Variants in FGF10 observed in about 807,000 individuals in gnomAD.
FGF10 encodes fibroblast growth factor 10, also known as FGF-10.
A neutral mutation model predicts 19.8 loss-of-function variants in FGF10; 2 were observed. The observed-to-expected ratio is 0.10, with a 90% CI of 0.04 to 0.32. The LOEUF is 0.32. FGF10 is among the 10% of genes least tolerant of loss of function. The probability of loss-of-function intolerance (pLI) is 1.00; values close to 1 mark genes in which losing one functional copy is unlikely to be tolerated. For synonymous variants in FGF10, 112 were observed against 94.0 expected (o/e 1.19, Z -1.10); for missense variants, 191 against 246.3 (o/e 0.78, Z 1.50).
intron 1 of FGF10, among the ~76,000 whole-genome samples, chr5:44,336,849 G>A (rs753220215): frequency 2.0e-5 from 3 of 152,126 alleles, no homozygotes; most frequent in East Asian, 1.9e-4. Context: ...TCTTAGTTAC[G>A]TTCCATCTAA....
chr5:44,317,980 T>C (rs1245135938), intron 1 of FGF10, among the ~76,000 whole-genome samples: 2 of 152,162 alleles, frequency 1.3e-5, no homozygotes, highest in East Asian at 3.9e-4. Context: ...GAAATGATTC[T>C]ATCGCTAGTT....
chr5:44,381,464 A>C (rs541361442), intron 1 of FGF10, among the ~76,000 whole-genome samples: 18 of 151,742 alleles, frequency 1.2e-4, no homozygotes, highest in South Asian at 8.3e-4. Context: ...AACCAGATAA[A>C]AGTAATAAAA....
chr5:44,306,872 A>C (rs1368619392), intron 2 of FGF10, among the ~76,000 whole-genome samples: 1 of 152,208 alleles, frequency 6.6e-6, no homozygotes, highest in African/African-American at 2.4e-5. Context: ...TAAAACAAAA[A>C]TAATTCTGTA....
chr5:44,346,240 T>C (rs1224871144), intron 1 of FGF10, among the ~76,000 whole-genome samples: 1 of 151,832 alleles, frequency 6.6e-6, no homozygotes, highest in African/African-American at 2.4e-5. Context: ...CTTGACTCTT[T>C]CACTTCTCTA....
Position 44,388,476 on chromosome 5 carries a change from G to C in FGF10, c.207C>G (p.Ser69Arg). Reference protein sequence around the residue: ...SPSSAGRHVRSYNHLQGDVRW... With the variant: ...SPSSAGRHVRRYNHLQGDVRW... ...GGACATCTCCTTGAAGGTGATTGTA[G>C]CTCCGCACATGCCTTCCCGCGCTGG... Residue 69 changes from serine to arginine, a missense_variant, in exon 1 of 3, where the codon AGC becomes AGG. Physicochemically the swap from Ser to Arg is moderately radical, Grantham distance 110. Transcript: ENST00000264664. The C allele has an allele frequency of 6.2e-7, 1 of 1,614,148 alleles. No homozygotes were observed. The highest frequency in any genetic ancestry group is 8.5e-7 in the Non-Finnish European group (1 of 1,180,030).
intron 2 of FGF10, among the ~76,000 whole-genome samples, chr5:44,305,826 T>C (rs1034418496): frequency 2.6e-5 from 4 of 152,194 alleles, no homozygotes; most frequent in African/African-American, 9.6e-5. Flanking sequence ...TCGTGAACTC[T>C]AGGGATTGAA....
At chr5:44,355,568 C>T (rs189651697) in intron 1 of FGF10, among the ~76,000 whole-genome samples, 9 of 151,214 alleles carry the variant, frequency 6.0e-5, no homozygotes, top group East Asian at 2.0e-4. Flanking sequence ...AACTAACAAA[C>T]GTTTCAGACT....
chr5:44,324,742 A>G (rs1005756912), intron 1 of FGF10, among the ~76,000 whole-genome samples: 3 of 152,198 alleles, frequency 2.0e-5, no homozygotes, highest in Non-Finnish European at 2.9e-5. Context: ...AGACTGGACA[A>G]ATTTGAAAAC....
chr5:44,305,990 T>C (rs562296901), intron 2 of FGF10, among the ~76,000 whole-genome samples: 4 of 152,294 alleles, frequency 2.6e-5, no homozygotes, highest in Admixed American at 2.6e-4. Flanking sequence ...AGGAGGCCAA[T>C]TGGATTTAAG....
Position 44,301,290 on chromosome 5 carries a change from G to A in FGF10, c.*3705C>T, listed in dbSNP as rs2111652661. Among the ~76,000 whole-genome samples, 1 of 152,024 alleles carries A rather than the reference G, an allele frequency of 6.6e-6. No individual in the cohort carries two copies. The highest frequency in any genetic ancestry group is 1.5e-5 in the Non-Finnish European group (1 of 67,982). ...TATAACTTTATTTAGACAAAGTTTGGACCAGCTGAACCCTTCAGTAATATG... is the reference window on the plus strand; with the variant it reads ...TATAACTTTATTTAGACAAAGTTTGAACCAGCTGAACCCTTCAGTAATATG... On this transcript the variant is annotated 3_prime_UTR_variant, in exon 3 of 3. Coordinates refer to ENST00000264664, the MANE Select transcript of FGF10 (RefSeq NM_004465.2).
In FGF10 at chr5:44,389,047, C is replaced by T. The variant is rs1579952583; in HGVS notation, c.-365G>A. 3 of 358,552 alleles carry T rather than the reference C, an allele frequency of 8.4e-6. No homozygotes were observed. Among genetic ancestry groups the T allele is most frequent in the Non-Finnish European group, 1.6e-5 (3 of 186,520 alleles). 22.2% of individuals were successfully genotyped at this position (358,552 alleles called of 1,614,324 possible). ...ACTCCTTTCTTCACCATGTTAGATG[C>T]CAAAAAGGTCTGAAAAACAGATGAC... On this transcript the variant is annotated 5_prime_UTR_variant, in exon 1 of 3. Transcript: ENST00000264664.
rs185023394 is a variant in FGF10 at position 44,328,720 on chromosome 5, T to A, written c.326-18190A>T. On this transcript the variant is annotated intron_variant, in intron 1 of 2. Coordinates refer to ENST00000264664, the MANE Select transcript of FGF10 (RefSeq NM_004465.2). ...GAGGCTGCAGTGAGCTGTGATTGCA[T>A]TACTGCACTCCATCTGAGTGTCTTT... Among the ~76,000 whole-genome samples the A allele has an allele frequency of 1.8e-3, 280 of 152,244 alleles. 2 individuals are homozygous for A. Among genetic ancestry groups the A allele is most frequent in the African/African-American group, 6.7e-3 (278 of 41,554 alleles).
chr5:44,381,004 A>C lies in FGF10; in HGVS notation c.325+7354T>G, dbSNP rs141086075. Among the ~76,000 whole-genome samples, 716 of 152,320 alleles carry C rather than the reference A, an allele frequency of 4.7e-3. 3 individuals are homozygous for C. Among genetic ancestry groups the C allele is most frequent in the Middle Eastern group, 0.034 (10 of 294 alleles). ...TCATGGTAGCCCAGACAAAGGCAAAAATGTGAGAAAAATGGCAAAGTAGCT... is the reference window on the plus strand; with the variant it reads ...TCATGGTAGCCCAGACAAAGGCAAACATGTGAGAAAAATGGCAAAGTAGCT... On this transcript the variant is annotated intron_variant, in intron 1 of 2. Coordinates refer to ENST00000264664, the MANE Select transcript of FGF10 (RefSeq NM_004465.2).
At chr5:44,305,312 G>T in intron 2 of FGF10, 120 bp from the exon 3 acceptor site, 2 of 829,018 alleles carry the variant, frequency 2.4e-6, no homozygotes, top group Non-Finnish European at 4.1e-6. Context: ...TTGTACCTAA[G>T]TTGTGCACTT....
At chr5:44,322,741 G>A (rs1314027680) in intron 1 of FGF10, among the ~76,000 whole-genome samples, 1 of 151,740 alleles carries the variant, frequency 6.6e-6, no homozygotes, top group Non-Finnish European at 1.5e-5. Context: ...TGCAGTGACA[G>A]CAACCAAAAT....
At chr5:44,308,331 A>C (rs1451964537) in intron 2 of FGF10, among the ~76,000 whole-genome samples, 1 of 152,208 alleles carries the variant, frequency 6.6e-6, no homozygotes, top group Non-Finnish European at 1.5e-5. Context: ...ATGTTTTTAA[A>C]TAAGTATATT....
intron 1 of FGF10, among the ~76,000 whole-genome samples, chr5:44,349,326 CT>C (rs1374701649): frequency 1.4e-5 from 2 of 146,294 alleles, no homozygotes; most frequent in Admixed American, 1.4e-4. Flanking sequence ...ATTTAGCTAT[CT>C]TTTTTTTACC....
Position 44,388,553 on chromosome 5 carries a change from T to A in FGF10, c.130A>T (p.Met44Leu). 1 of 1,614,112 alleles carries A rather than the reference T, an allele frequency of 6.2e-7. No homozygotes were observed. The highest frequency in any genetic ancestry group is 1.1e-5 in the South Asian group (1 of 91,068). ...PVTCQALGQD[M>L]VSPEATNSSS... is the part of the protein sequence containing the mutation. ...GAGTTGGTGGCCTCTGGTGACACCA[T>A]GTCCTGACCAAGGGCTTGGCAGGTG... Residue 44 changes from methionine to leucine, a missense_variant, in exon 1 of 3, where the codon ATG becomes TTG. By Grantham distance (15) the Met-to-Leu change is conservative. Transcript: ENST00000264664.
intron 2 of FGF10, among the ~76,000 whole-genome samples, chr5:44,308,302 T>A (rs1740130761): frequency 6.6e-6 from 1 of 152,230 alleles, no homozygotes; most frequent in African/African-American, 2.4e-5. Context: ...TTGAAAGTTA[T>A]CCATTTCTCC....
Sources: gnomAD v4.1 joint callset for allele counts (sites outside exome capture counted in the v4.1 genomes callset) on GRCh38, gnomAD v4.1.1 for gene constraint, MANE v1.5 for transcripts, NCBI Gene and HGNC (gene_info 2026-07-23, HGNC 2026-07-21) for gene names.